TANGO6: variants seen among roughly 807,000 people sequenced by gnomAD.
TANGO6 encodes transport and golgi organization 6 homolog.
TANGO6 carries 90 observed loss-of-function variants against 114.2 expected under a neutral mutation model. The observed-to-expected ratio is 0.79, with a 90% CI of 0.66 to 0.94. The LOEUF (loss-of-function observed/expected upper bound fraction) is 0.94. Ranked by LOEUF, TANGO6 falls within the 40% of genes least tolerant of loss-of-function variation. TANGO6 has a pLI of 0.00. For synonymous variants in TANGO6, 477 were observed against 509.8 expected, an observed-to-expected ratio of 0.94 and a Z score of 0.87; for missense variants, 1,274 against 1,315.3, an observed-to-expected ratio of 0.97 and a Z score of 0.49.
At chr16:69,044,806 CAGG>C (rs2152235411) in intron 17 of TANGO6, among the ~76,000 whole-genome samples, 1 of 152,194 alleles carries the variant, frequency 6.6e-6, no homozygotes, top group South Asian at 2.1e-4. Flanking sequence ...TGCTTGAGCT[CAGG>C]AGTTCAAGAC....
At chr16:68,939,346 C>T (rs1410749991) in intron 14 of TANGO6, among the ~76,000 whole-genome samples, 3 of 151,888 alleles carry the variant, frequency 2.0e-5, no homozygotes, top group Admixed American at 6.6e-5. Flanking sequence ...GCCAAGATCG[C>T]GCCATTGCAC....
At position 69,031,321 on chromosome 16, in the gene TANGO6, A is replaced by G. The variant is rs114486198; in HGVS notation, c.2994+8342A>G. On this transcript the variant is annotated intron_variant, in intron 16 of 17. Coordinates refer to ENST00000261778, the MANE Select transcript of TANGO6 (RefSeq NM_024562.2). ...TATCACAGTGCTTGGCACATAGTGG[A>G]TGCTAGGTGTTGGCTGATTAATACA... is the stretch of plus-strand genomic sequence containing the variant. Among the ~76,000 whole-genome samples the G allele has an allele frequency of 2.9e-3, 447 of 152,068 alleles. 3 individuals are homozygous for G. Among genetic ancestry groups the G allele is most frequent in the African/African-American group, 0.01 (425 of 41,540 alleles).
intron 14 of TANGO6, among the ~76,000 whole-genome samples, chr16:68,940,621 G>A (rs1333249041): frequency 1.4e-5 from 2 of 146,304 alleles, no homozygotes; most frequent in Non-Finnish European, 2.9e-5. Context: ...ACATCAGGCC[G>A]ACAGGCACAA....
At chr16:68,978,903 A>T (rs561302140) in intron 15 of TANGO6, among the ~76,000 whole-genome samples, 53 of 149,688 alleles carry the variant, frequency 3.5e-4, no homozygotes, top group Middle Eastern at 3.4e-3. Flanking sequence ...ACATATATAC[A>T]GTAAAGTATA....
intron 7 of TANGO6, among the ~76,000 whole-genome samples, chr16:68,885,086 C>A (rs892825331): frequency 1.3e-5 from 2 of 152,172 alleles, no homozygotes; most frequent in Admixed American, 6.5e-5. Context: ...TGTGTTGTGT[C>A]TATTAACTTT....
At chr16:68,847,819 G>A (rs1046369036) in intron 1 of TANGO6, among the ~76,000 whole-genome samples, 3 of 152,128 alleles carry the variant, frequency 2.0e-5, no homozygotes, top group Admixed American at 1.3e-4. Context: ...GGCCAACATG[G>A]CGAAACCCCG....
intron 3 of TANGO6, among the ~76,000 whole-genome samples, chr16:68,864,562 C>T (rs2152159963): frequency 6.6e-6 from 1 of 151,770 alleles, no homozygotes; most frequent in South Asian, 2.1e-4. Flanking sequence ...GCCTGGGCAA[C>T]AGAGTGAGAT....
At chr16:68,889,810 A>G (rs1962587146) in intron 7 of TANGO6, among the ~76,000 whole-genome samples, 1 of 152,214 alleles carries the variant, frequency 6.6e-6, no homozygotes, top group African/African-American at 2.4e-5. Flanking sequence ...TGTGAGGATG[A>G]AATAAGGTAA....
intron 14 of TANGO6, among the ~76,000 whole-genome samples, chr16:68,950,404 G>A (rs1190905027): frequency 1.3e-5 from 2 of 151,532 alleles, no homozygotes; most frequent in Admixed American, 6.6e-5. Flanking sequence ...CCATCTCTAC[G>A]AAAAATACGA....
chr16:68,873,866 A>G (rs1398231872), intron 4 of TANGO6, among the ~76,000 whole-genome samples: 6 of 152,162 alleles, frequency 3.9e-5, no homozygotes, highest in East Asian at 1.9e-4. Flanking sequence ...GTGTGGTTCT[A>G]CAGCAACCTT....
At chr16:68,918,935 C>A in intron 11 of TANGO6, 150 bp from the exon 12 acceptor site, 1 of 886,190 alleles carries the variant, frequency 1.1e-6, no homozygotes, top group South Asian at 2.0e-5. Flanking sequence ...CACTGAACAT[C>A]ACATCTGCAT....
intron 11 of TANGO6, among the ~76,000 whole-genome samples, chr16:68,912,604 G>C (rs1409398268): frequency 6.6e-6 from 1 of 150,742 alleles, no homozygotes; most frequent in Non-Finnish European, 1.5e-5. Flanking sequence ...ACTGCACTGC[G>C]CTTCAGGCTG....
In TANGO6 at chr16:69,083,757, T is replaced by G. The variant is rs1960500749; in HGVS notation, c.*96T>G. 17 of 1,351,218 alleles carry G rather than the reference T, an allele frequency of 1.3e-5. No individual in the cohort carries two copies. The highest frequency in any genetic ancestry group is 1.7e-5 in the Non-Finnish European group (17 of 1,003,190). 83.7% of individuals were successfully genotyped at this position (1,351,218 alleles called of 1,614,324 possible). A position where few individuals can be genotyped will look rare whatever the true frequency, so the allele number is the denominator to read the frequency against. On this transcript the variant is annotated 3_prime_UTR_variant, in exon 18 of 18. Coordinates refer to ENST00000261778, the MANE Select transcript of TANGO6 (RefSeq NM_024562.2). ...GGTGGCCCTGCTGCCTCTTGAGTGCTGGCAGCATGGCTGACCCTCGGGGTG... is the reference window on the plus strand; with the variant it reads ...GGTGGCCCTGCTGCCTCTTGAGTGCGGGCAGCATGGCTGACCCTCGGGGTG...
chr16:68,905,576 G>GGT (rs1450307263), intron 9 of TANGO6, among the ~76,000 whole-genome samples: 1 of 151,520 alleles, frequency 6.6e-6, no homozygotes, highest in Non-Finnish European at 1.5e-5. Flanking sequence ...TACACACACA[G>GGT]GTGTATATAT....
chr16:69,043,434 C>T (rs1219221618), intron 17 of TANGO6, among the ~76,000 whole-genome samples: 1 of 152,052 alleles, frequency 6.6e-6, no homozygotes, highest in Non-Finnish European at 1.5e-5. Flanking sequence ...CTCACCAGTA[C>T]TAAAATAATT....
chr16:68,857,716 T>C (rs1332425630), intron 1 of TANGO6, among the ~76,000 whole-genome samples: 3 of 152,214 alleles, frequency 2.0e-5, no homozygotes, highest in Non-Finnish European at 4.4e-5. Flanking sequence ...GCCATTCTAA[T>C]AGGTATATAA....
At chr16:69,050,740 G>A (rs574123660) in intron 17 of TANGO6, among the ~76,000 whole-genome samples, 3 of 151,810 alleles carry the variant, frequency 2.0e-5, no homozygotes, top group South Asian at 2.1e-4. Flanking sequence ...CACACACCTC[G>A]GCCTCCCAAA....
chr16:68,927,880 C>G lies in TANGO6; in HGVS notation c.2440C>G (p.Pro814Ala). 6.2e-7 allele frequency: 1 copy of G among 1,613,930 alleles called. No homozygotes were observed. The highest frequency in any genetic ancestry group is 8.5e-7 in the Non-Finnish European group (1 of 1,179,838). Residue 814 changes from proline (P) to alanine (A), a missense_variant, in exon 13 of 18, where the codon CCA becomes GCA. By Grantham distance (27) the Pro-to-Ala change is conservative. This residue lies in a region of TANGO6 where 908 missense variants were observed against 910.2 expected (regional missense o/e 1.00). Coordinates refer to ENST00000261778, the MANE Select transcript of TANGO6 (RefSeq NM_024562.2). Reference sequence around the variant, plus strand: ...CCAGACAGGCCTGCAGTCAAATGCTCCAATCATTCCTCAAGGAGTCAATGA... The same window carrying G: ...CCAGACAGGCCTGCAGTCAAATGCTGCAATCATTCCTCAAGGAGTCAATGA... Reference protein sequence around the residue: ...APQTGLQSNAPIIPQGVNEPS... With the variant: ...APQTGLQSNAAIIPQGVNEPS...
chr16:68,911,709 C>A (rs185881772), intron 11 of TANGO6, among the ~76,000 whole-genome samples: 47 of 152,292 alleles, frequency 3.1e-4, no homozygotes, highest in Non-Finnish European at 5.6e-4. Flanking sequence ...CCACTGTGCC[C>A]AGCCCAATTT....
Sources: gnomAD v4.1 joint callset for allele counts (sites outside exome capture counted in the v4.1 genomes callset) on GRCh38, gnomAD v4.1.1 for gene constraint, gnomAD v4.1.1 regional missense constraint, MANE v1.5 for transcripts, NCBI Gene and HGNC (gene_info 2026-07-23, HGNC 2026-07-21) for gene names.